Variants in NEDD4 observed in about 807,000 individuals in gnomAD.
The protein encoded by NEDD4 is NEDD4 E3 ubiquitin protein ligase, also known as E3 ubiquitin-protein ligase NEDD4.
In NEDD4, 99 loss-of-function variants were observed where a neutral mutation model predicts 144.9. The ratio of observed to expected loss-of-function variants is 0.68; its 90% CI spans 0.58 to 0.81. The LOEUF (loss-of-function observed/expected upper bound fraction) is 0.81. Ranked by LOEUF, NEDD4 falls within the 30% of genes least tolerant of loss-of-function variation. NEDD4 has a pLI of 0.00. For synonymous variants in NEDD4, 318 were observed against 350.6 expected (o/e 0.91, Z 1.04); for missense variants, 985 against 1,065.9 (o/e 0.92, Z 1.06).
In NEDD4 at chr15:55,946,770, C is replaced by G. The variant is rs556826795; in HGVS notation, c.237+4606G>C. On this transcript the variant is annotated intron_variant, in intron 4 of 28. Coordinates refer to ENST00000435532, the MANE Select transcript of NEDD4 (RefSeq NM_006154.4). ...ACATAGTTGGAAGTAAAGCACTCCTCAGCAAATGTAAAAGAACAGAAATTA... is the reference window on the plus strand; with the variant it reads ...ACATAGTTGGAAGTAAAGCACTCCTGAGCAAATGTAAAAGAACAGAAATTA... Among the ~76,000 whole-genome samples the G allele has an allele frequency of 3.3e-3, 505 of 152,278 alleles. 2 individuals are homozygous for G. The highest frequency in any genetic ancestry group is 0.012 in the African/African-American group (485 of 41,566).
intron 4 of NEDD4, among the ~76,000 whole-genome samples, chr15:55,938,156 G>A (rs1473091389): frequency 6.6e-6 from 1 of 151,922 alleles, no homozygotes; most frequent in Non-Finnish European, 1.5e-5. Flanking sequence ...GTCAAGAGAT[G>A]GAGACCATCC....
At chr15:55,962,158 T>G (rs904939416) in intron 2 of NEDD4, among the ~76,000 whole-genome samples, 1 of 152,230 alleles carries the variant, frequency 6.6e-6, no homozygotes, top group Non-Finnish European at 1.5e-5. Context: ...ATTTTTGTGT[T>G]GAAATCTATT....
rs2032731053 is a variant in NEDD4 at position 55,827,109 on chromosome 15, A to G, written c.*2788T>C. The G allele has an allele frequency of 1.3e-5, 2 of 152,244 alleles. No individual in the cohort carries two copies. The highest frequency in any genetic ancestry group is 2.4e-5 in the African/African-American group (1 of 41,470). 9.4% of individuals were successfully genotyped at this position (152,244 alleles called of 1,614,324 possible). Reference sequence around the variant, plus strand: ...GAATTGTGTTTAACTTGATACTTATATGGAATAACTTCAGCATTATAAATA... The same window carrying G: ...GAATTGTGTTTAACTTGATACTTATGTGGAATAACTTCAGCATTATAAATA... On this transcript the variant is annotated 3_prime_UTR_variant, in exon 29 of 29. Coordinates refer to ENST00000435532, the MANE Select transcript of NEDD4 (RefSeq NM_006154.4).
intron 24 of NEDD4, among the ~76,000 whole-genome samples, chr15:55,835,767 G>C (rs753622616): frequency 1.3e-5 from 2 of 152,032 alleles, no homozygotes; most frequent in Non-Finnish European, 2.9e-5. Flanking sequence ...GATTACTGTA[G>C]CACTTTCCCA....
intron 11 of NEDD4, among the ~76,000 whole-genome samples, chr15:55,859,007 A>C (rs1025385880): frequency 3.3e-5 from 5 of 152,198 alleles, no homozygotes; most frequent in Non-Finnish European, 7.3e-5. Context: ...TCTGCACTAG[A>C]ATGTAAGTCC....
intron 4 of NEDD4, among the ~76,000 whole-genome samples, chr15:55,931,777 A>G (rs1338977070): frequency 6.6e-6 from 1 of 152,246 alleles, no homozygotes; most frequent in African/African-American, 2.4e-5. Flanking sequence ...TTCACATAGC[A>G]TACACTCATC....
chr15:55,937,077 G>T (rs2036907132), intron 4 of NEDD4, among the ~76,000 whole-genome samples: 1 of 152,152 alleles, frequency 6.6e-6, no homozygotes, highest in South Asian at 2.1e-4. Flanking sequence ...ACAGGCATGA[G>T]CCACCGTGCC....
intron 4 of NEDD4, among the ~76,000 whole-genome samples, chr15:55,944,821 G>C (rs2037079136): frequency 6.6e-6 from 1 of 152,192 alleles, no homozygotes; most frequent in Admixed American, 6.5e-5. Flanking sequence ...TTGCTGTTTT[G>C]CAATATTTGC....
In NEDD4 at chr15:55,860,660, C is replaced by A; in HGVS notation, c.792+1G>T. 6.2e-7 allele frequency: 1 copy of A among 1,614,058 alleles called. No individual in the cohort carries two copies. The highest frequency in any genetic ancestry group is 8.5e-7 in the Non-Finnish European group (1 of 1,179,920). On this transcript the variant is annotated splice_donor_variant, in intron 10 of 28. Transcript: ENST00000435532. LOFTEE classifies it high-confidence loss of function. ...AAGGAGAACTAGGAAACTACTTATA[C>A]CTCGGAAGACTCTCGGTTGTCAACA...
In NEDD4 at chr15:55,827,799, ATTCT is replaced by A. The variant is rs2032762801; in HGVS notation, c.*2094_*2097del. 1 of 152,122 alleles carries A rather than the reference ATTCT, an allele frequency of 6.6e-6. No homozygotes were observed. Among genetic ancestry groups the A allele is most frequent in the Non-Finnish European group, 1.5e-5 (1 of 68,022 alleles). The allele number at this position is 152,122 out of a possible 1,614,324, so 9.4% of individuals were successfully genotyped here. A position where few individuals can be genotyped will look rare whatever the true frequency, so the allele number is the denominator to read the frequency against. On this transcript the variant is annotated 3_prime_UTR_variant, in exon 29 of 29. Coordinates refer to ENST00000435532, the MANE Select transcript of NEDD4 (RefSeq NM_006154.4). ...TTAGAAGTCACTTTACTTTTAAATG[ATTCT>A]TTGGGAGTGTGGTCAATTTGCACAC...
intron 1 of NEDD4, among the ~76,000 whole-genome samples, chr15:55,988,474 T>TAA (rs71441419): frequency 1.2e-3 from 47 of 37,722 alleles, no homozygotes; most frequent in Admixed American, 3.7e-3. Context: ...TAGAGTATAA[T>TAA]AAAAAAAAAA....
At chr15:55,951,915 T>C (rs1319210256) in intron 2 of NEDD4, among the ~76,000 whole-genome samples, 2 of 152,076 alleles carry the variant, frequency 1.3e-5, no homozygotes, top group Admixed American at 6.5e-5. Context: ...GATAAGATGG[T>C]TAATTCAATG....
At chr15:55,856,315 C>A in intron 11 of NEDD4, 119 bp from the exon 12 acceptor site, 1 of 851,630 alleles carries the variant, frequency 1.2e-6, no homozygotes, top group Non-Finnish European at 1.8e-6. Flanking sequence ...GGCTAGGATG[C>A]AAATGTTGAG....
chr15:55,950,607 CA>C (rs1358786491), intron 4 of NEDD4, among the ~76,000 whole-genome samples: 1 of 152,116 alleles, frequency 6.6e-6, no homozygotes, highest in Non-Finnish European at 1.5e-5. Context: ...ACCCGAATAA[CA>C]GCAGTTTCAT....
intron 4 of NEDD4, among the ~76,000 whole-genome samples, chr15:55,946,100 C>T (rs1449948949): frequency 2.0e-5 from 3 of 152,130 alleles, no homozygotes; most frequent in South Asian, 2.1e-4. Context: ...CATCAATTAA[C>T]GAGCAAAATA....
At chr15:55,975,901 A>G (rs2037690782) in intron 1 of NEDD4, among the ~76,000 whole-genome samples, 1 of 152,220 alleles carries the variant, frequency 6.6e-6, no homozygotes, top group Admixed American at 6.5e-5. Flanking sequence ...TATAGTATCC[A>G]ACACAACATG....
chr15:55,838,481 C>G (rs762473426), intron 22 of NEDD4, 28 bp downstream of exon 22: 1 of 1,440,578 alleles, frequency 6.9e-7, no homozygotes, highest in South Asian at 1.1e-5. Flanking sequence ...AATTTATGTG[C>G]CATTTTAACT....
chr15:55,887,805 C>A (rs1178492335), intron 5 of NEDD4, among the ~76,000 whole-genome samples: 1 of 152,134 alleles, frequency 6.6e-6, no homozygotes, highest in Non-Finnish European at 1.5e-5. Flanking sequence ...GGATTCATTA[C>A]AGGGATGCAA....
chr15:55,944,754 T>C (rs1045311939), intron 4 of NEDD4, among the ~76,000 whole-genome samples: 7 of 152,110 alleles, frequency 4.6e-5, no homozygotes, highest in African/African-American at 1.4e-4. Context: ...AGACACCTCA[T>C]ACAGGCAGGT....
Sources: allele counts gnomAD v4.1 joint callset (sites outside exome capture counted in the v4.1 genomes callset), GRCh38; gene constraint gnomAD v4.1.1; transcripts MANE v1.5; gene names NCBI Gene and HGNC (gene_info 2026-07-23, HGNC 2026-07-21).